Variants in MIB1 observed in about 807,000 individuals in gnomAD.
MIB1 encodes E3 ubiquitin-protein ligase MIB1.
In MIB1, 278 loss-of-function variants were observed where a neutral mutation model predicts 124.5. That is an observed-to-expected ratio of 2.23 (90% CI 2.02 to 2.47). The LOEUF (loss-of-function observed/expected upper bound fraction) is 2.47. MIB1 is among the 30% of genes most tolerant of loss of function. The probability of loss-of-function intolerance (pLI) is 0.00; values close to 1 mark genes in which losing one functional copy is unlikely to be tolerated. For missense variants in MIB1, 957 were observed against 1,254.4 expected, an observed-to-expected ratio of 0.76 and a Z score of 3.58; for synonymous variants, 446 against 429.4, an observed-to-expected ratio of 1.04 and a Z score of -0.48.
chr18:21,788,158 G>A (rs1227091648), intron 6 of MIB1, among the ~76,000 whole-genome samples: 1 of 151,918 alleles, frequency 6.6e-6, no homozygotes, highest in Non-Finnish European at 1.5e-5. Context: ...TTTTATTTGG[G>A]CCAAAACATA....
chr18:21,797,873 CAT>C, intron 7 of MIB1, among the ~76,000 whole-genome samples: 1 of 151,886 alleles, frequency 6.6e-6, no homozygotes, highest in South Asian at 2.1e-4. Flanking sequence ...TGATTTGTCT[CAT>C]ATTCTTGTGG....
intron 7 of MIB1, among the ~76,000 whole-genome samples, chr18:21,795,881 C>G (rs1323869181): frequency 6.6e-6 from 1 of 152,068 alleles, no homozygotes; most frequent in Non-Finnish European, 1.5e-5. Flanking sequence ...TACCAAAAAA[C>G]AAATGAGTAC....
upstream of MIB1, among the ~76,000 whole-genome samples, chr18:21,740,622 C>G (rs923973456): frequency 1.3e-5 from 2 of 152,256 alleles, no homozygotes; most frequent in South Asian, 4.1e-4. Context: ...CTCACTTTCT[C>G]CAGCCCCGCC....
chr18:21,797,996 A>G (rs1012685292), intron 7 of MIB1, 88 bp from the exon 8 acceptor site: 1 of 1,286,192 alleles, frequency 7.8e-7, no homozygotes, highest in Non-Finnish European at 1.1e-6. Context: ...AATAAGTAAA[A>G]TCATTACTTT....
intron 8 of MIB1, among the ~76,000 whole-genome samples, chr18:21,799,222 T>C (rs1339722446): frequency 6.6e-6 from 1 of 152,072 alleles, no homozygotes; most frequent in Non-Finnish European, 1.5e-5. Context: ...TCTGTATTGA[T>C]TGATACTATT....
chr18:21,784,925 C>T (rs578086998), intron 6 of MIB1, among the ~76,000 whole-genome samples: 2 of 152,316 alleles, frequency 1.3e-5, no homozygotes, highest in Admixed American at 1.3e-4. Flanking sequence ...AACCTCTCCC[C>T]GTGATGGTGT....
Position 21,844,130 on chromosome 18 carries a change from T to TA in MIB1, c.2090dup (p.Asp698GlyfsTer8), listed in dbSNP as rs1467031772. 1.2e-6 allele frequency: 2 copies of TA among 1,614,098 alleles called. No homozygotes were observed. ...CAGGTGCCAAGCTTGATATTCAGGA[T>TA]AAGGATGGGGATACTCCTTTGCATG... is the stretch of plus-strand genomic sequence containing the variant. On this transcript the variant is annotated frameshift_variant, in exon 15 of 21. Coordinates refer to ENST00000261537, the MANE Select transcript of MIB1 (RefSeq NM_020774.4). LOFTEE classifies it high-confidence loss of function.
chr18:21,796,932 A>G (rs2041588886), intron 7 of MIB1, among the ~76,000 whole-genome samples: 1 of 152,224 alleles, frequency 6.6e-6, no homozygotes, highest in Non-Finnish European at 1.5e-5. Context: ...TTGTAAGATA[A>G]AGAACTGTTT....
chr18:21,799,624 G>A (rs1267327674), intron 8 of MIB1, among the ~76,000 whole-genome samples: 1 of 151,928 alleles, frequency 6.6e-6, no homozygotes, highest in Admixed American at 6.6e-5. Flanking sequence ...ATTATAATTT[G>A]ATATACATGA....
chr18:21,799,978 A>T lies in MIB1; in HGVS notation c.1371+4A>T, dbSNP rs751678416. 1 of 1,607,808 alleles carries T rather than the reference A, an allele frequency of 6.2e-7. No individual in the cohort carries two copies. The highest frequency in any genetic ancestry group is 1.3e-5 in the African/African-American group (1 of 74,878). On this transcript the variant is annotated splice_donor_region_variant and intron_variant, in intron 9 of 20. Transcript: ENST00000261537. ...GCTTAAAAGACCAGATGTGGATGTG[A>T]GCATTTTAAAAATTATTTTGAAGCA...
chr18:21,762,039 A>T (rs1047282378), intron 1 of MIB1, among the ~76,000 whole-genome samples: 2 of 152,182 alleles, frequency 1.3e-5, no homozygotes, highest in African/African-American at 2.4e-5. Context: ...AAGTTTTATT[A>T]TAAGTGTGTT....
chr18:21,771,856 C>T (rs530261644), intron 3 of MIB1, among the ~76,000 whole-genome samples: 33 of 151,826 alleles, frequency 2.2e-4, no homozygotes, highest in Non-Finnish European at 3.2e-4. Flanking sequence ...GAAAATTAGC[C>T]GGGCATGGTG....
chr18:21,808,945 TA>T (rs200307819), intron 10 of MIB1, among the ~76,000 whole-genome samples: 15 of 151,016 alleles, frequency 9.9e-5, no homozygotes, highest in African/African-American at 2.2e-4. Flanking sequence ...ATCATTTAAT[TA>T]AAAAAAAACT....
chr18:21,834,412 G>A lies in MIB1; in HGVS notation c.1830-3953G>A, dbSNP rs149705601. ...TCAAGGAGGTGAACTATAACTTCCC[G>A]CTCCTTAAGTGTGGGCTGTACATAG... On this transcript the variant is annotated intron_variant, in intron 12 of 20. Transcript: ENST00000261537. 5.1e-3 allele frequency among the ~76,000 whole-genome samples: 783 copies of A among 152,204 alleles called. 15 individuals are homozygous for A. Among genetic ancestry groups the A allele is most frequent in the African/African-American group, 0.018 (755 of 41,506 alleles).
intron 6 of MIB1, among the ~76,000 whole-genome samples, chr18:21,787,056 T>G (rs1286087326): frequency 2.0e-5 from 3 of 152,168 alleles, no homozygotes; most frequent in Non-Finnish European, 4.4e-5. Context: ...TCTGCTTATT[T>G]TGGTCTTTCT....
At chr18:21,748,869 A>G (rs1487101600) in intron 1 of MIB1, among the ~76,000 whole-genome samples, 2 of 151,224 alleles carry the variant, frequency 1.3e-5, no homozygotes, top group South Asian at 2.1e-4. Flanking sequence ...AGTAGCTAGG[A>G]CTATAGGTGC....
In MIB1 at chr18:21,866,808, G is replaced by T. The variant is rs575187658; in HGVS notation, c.*2142G>T. On this transcript the variant is annotated 3_prime_UTR_variant, in exon 21 of 21. Transcript: ENST00000261537. ...TATAATTTTAGTGCTAGTACTTGTG[G>T]GTTTTCTGTATTTGTATCACCTTGA... The T allele has an allele frequency of 3.6e-4, 55 of 152,286 alleles. No individual in the cohort carries two copies. The highest frequency in any genetic ancestry group is 1.1e-3 in the African/African-American group (44 of 41,490). The allele number at this position is 152,286 out of a possible 1,614,324, so 9.4% of individuals were successfully genotyped here.
In MIB1 at chr18:21,857,204, T is replaced by C; in HGVS notation, c.2740T>C (p.Cys914Arg). Residue 914 changes from cysteine to arginine, a missense_variant, in exon 19 of 21, where the codon TGT becomes CGT. Transcript: ENST00000261537. Reference protein sequence around the residue: ...VERRVPFIMCCGGKSSEDATD... With the variant: ...VERRVPFIMCRGGKSSEDATD... ...ACGAAGAGTGCCTTTCATTATGTGC[T>C]GTGGAGGGAAAAGTTCAGAAGATGC... The C allele has an allele frequency of 6.2e-7, 1 of 1,614,092 alleles. No individual in the cohort carries two copies. Among genetic ancestry groups the C allele is most frequent in the Non-Finnish European group, 8.5e-7 (1 of 1,179,926 alleles).
At chr18:21,706,222 C>T (rs1004254544) in intron 1 of MIB1, among the ~76,000 whole-genome samples, 2 of 152,204 alleles carry the variant, frequency 1.3e-5, no homozygotes, top group African/African-American at 4.8e-5. Flanking sequence ...CCTGGGATTA[C>T]AGGCATGCAC....
Sources: allele counts gnomAD v4.1 joint callset (sites outside exome capture counted in the v4.1 genomes callset), GRCh38; gene constraint gnomAD v4.1.1; transcripts MANE v1.5; gene names NCBI Gene and HGNC (gene_info 2026-07-23, HGNC 2026-07-21).